Variants in YES1 observed in about 807,000 individuals in gnomAD.
YES1 encodes tyrosine-protein kinase Yes.
YES1 carries 39 observed loss-of-function variants against 70.4 expected under a neutral mutation model. The ratio of observed to expected loss-of-function variants is 0.55; its 90% CI spans 0.43 to 0.72. The LOEUF (loss-of-function observed/expected upper bound fraction) is 0.72, where lower values mean the gene tolerates loss of function less well. Ranked by LOEUF, YES1 falls within the 30% of genes least tolerant of loss-of-function variation. The pLI, the probability that YES1 is intolerant of heterozygous loss-of-function variation, is 0.00. For missense variants in YES1, 495 were observed against 644.8 expected, an observed-to-expected ratio of 0.77 and a Z score of 2.52; for synonymous variants, 198 against 218.6, an observed-to-expected ratio of 0.91 and a Z score of 0.83.
chr18:744,429 G>A (rs200522471), intron 6 of YES1, among the ~76,000 whole-genome samples: 2 of 147,504 alleles, frequency 1.4e-5, no homozygotes, highest in Non-Finnish European at 3.0e-5. Context: ...TCACTCTGTC[G>A]CCCAGGATGG....
chr18:733,606 A>G (rs900704199), intron 10 of YES1, among the ~76,000 whole-genome samples: 4 of 151,752 alleles, frequency 2.6e-5, no homozygotes, highest in Non-Finnish European at 4.4e-5. Flanking sequence ...ACATGGTGAA[A>G]CCCCGTCTCT....
intron 1 of YES1, among the ~76,000 whole-genome samples, chr18:759,889 A>G (rs1379650762): frequency 1.7e-5 from 2 of 116,676 alleles, no homozygotes; most frequent in South Asian, 3.1e-4. Flanking sequence ...GCCCCGGTGT[A>G]TGATGTTCCC....
intron 11 of YES1, 41 bp downstream of exon 11, chr18:732,793 C>CCACTTT (rs765365787): frequency 1.2e-6 from 2 of 1,613,324 alleles, no homozygotes; most frequent in Non-Finnish European, 8.5e-7. Flanking sequence ...CCTGATAAAG[C>CCACTTT]CACTCATGAG....
chr18:743,049 C>A lies in YES1; in HGVS notation c.929G>T (p.Gly310Val). 3 of 1,609,706 alleles carry A rather than the reference C, an allele frequency of 1.9e-6. No homozygotes were observed. The highest frequency in any genetic ancestry group is 1.1e-5 in the South Asian group (1 of 89,614). ...TKVAIKTLKP[G>V]TMMPEAFLQE... The stretch of plus-strand genomic sequence containing the variant: ...AAGGAAAGCTTCTGGCATCATTGTA[C>A]CTGGTTTTAGTGTTTTGATTGCTAC... The change falls in exon 8 of 12, where the codon GGT becomes GTT. Residue 310 changes from glycine to valine, a missense_variant. Around this residue, in one of 2 missense-constraint regions of YES1, gnomAD observed 385 missense variants for 540.9 expected, o/e 0.71. Transcript: ENST00000314574.
In YES1 at chr18:732,965, C is replaced by T. The variant is rs1289628269; in HGVS notation, c.1292G>A (p.Gly431Asp). ...TGTCCATTTGATTGGAAATTTTGCACCTAAAATAATGTTGACCATCTTGCT... is the reference window on the plus strand; with the variant it reads ...TGTCCATTTGATTGGAAATTTTGCATCTAAAATAATGTTGACCATCTTGCT... ...IEDNEYTARQ[G>D]AKFPIKWTAP... Residue 431 changes from glycine to aspartate, a missense_variant and splice_region_variant, in exon 11 of 12, where the codon GGT becomes GAT. Around this residue, in one of 2 missense-constraint regions of YES1, gnomAD observed 385 missense variants for 540.9 expected, o/e 0.71. Transcript: ENST00000314574. The T allele has an allele frequency of 2.5e-6, 4 of 1,614,036 alleles. No individual in the cohort carries two copies. Among genetic ancestry groups the T allele is most frequent in the Non-Finnish European group, 3.4e-6 (4 of 1,179,982 alleles).
intron 1 of YES1, among the ~76,000 whole-genome samples, chr18:792,389 C>G (rs1906297785): frequency 6.6e-6 from 1 of 152,014 alleles, no homozygotes; most frequent in South Asian, 2.1e-4. Flanking sequence ...ATAAAGAAGT[C>G]AGGTGCAGCT....
chr18:791,888 C>T (rs1412131747), intron 1 of YES1, among the ~76,000 whole-genome samples: 1 of 152,014 alleles, frequency 6.6e-6, no homozygotes, highest in Non-Finnish European at 1.5e-5. Context: ...AACCCCGCCT[C>T]TACTAAAAAT....
At chr18:725,294 G>A (rs148319400) in intron 11 of YES1, among the ~76,000 whole-genome samples, 3 of 151,512 alleles carry the variant, frequency 2.0e-5, no homozygotes, top group East Asian at 1.9e-4. Flanking sequence ...CTCACCTCAC[G>A]TCCTATCTCC....
chr18:744,894 G>T (rs187579244), intron 6 of YES1, among the ~76,000 whole-genome samples: 2 of 152,014 alleles, frequency 1.3e-5, no homozygotes, highest in Admixed American at 6.6e-5. Flanking sequence ...CTTGACTTAT[G>T]AATTCTGCTT....
chr18:787,384 C>T (rs1441590868), intron 1 of YES1, among the ~76,000 whole-genome samples: 5 of 151,464 alleles, frequency 3.3e-5, no homozygotes, highest in Admixed American at 3.3e-4. Flanking sequence ...AGGCATGAGC[C>T]ACCGCGCCCA....
intron 1 of YES1, among the ~76,000 whole-genome samples, chr18:785,415 AG>A (rs967120476): frequency 2.6e-5 from 4 of 152,260 alleles, no homozygotes; most frequent in East Asian, 1.9e-4. Context: ...ACTGAGTGTT[AG>A]GGGGGAGAAA....
chr18:754,568 T>G (rs1187656550), intron 2 of YES1, among the ~76,000 whole-genome samples: 2 of 151,924 alleles, frequency 1.3e-5, no homozygotes, highest in African/African-American at 4.8e-5. Flanking sequence ...ATTAGCCGGG[T>G]GCCGTGGTGT....
intron 1 of YES1, among the ~76,000 whole-genome samples, chr18:794,228 G>A (rs1474562448): frequency 6.6e-6 from 1 of 152,156 alleles, no homozygotes; most frequent in Non-Finnish European, 1.5e-5. Flanking sequence ...GTACTCTGAA[G>A]AACATAATAG....
intron 1 of YES1, among the ~76,000 whole-genome samples, chr18:806,780 T>C (rs1907120844): frequency 6.6e-6 from 1 of 152,264 alleles, no homozygotes. Flanking sequence ...GCCATAATGA[T>C]GTGTACTTCT....
intron 4 of YES1, among the ~76,000 whole-genome samples, chr18:747,596 T>C (rs575605269): frequency 1.3e-5 from 2 of 152,146 alleles, no homozygotes; most frequent in East Asian, 3.9e-4. Flanking sequence ...AGGCAGGGAA[T>C]GAGGATAATC....
At chr18:776,985 T>C (rs1905416584) in intron 1 of YES1, among the ~76,000 whole-genome samples, 1 of 152,184 alleles carries the variant, frequency 6.6e-6, no homozygotes, top group South Asian at 2.1e-4. Context: ...TTTGTGGTTA[T>C]GAAAAACAAA....
chr18:781,896 C>T (rs1005936467), intron 1 of YES1, among the ~76,000 whole-genome samples: 2 of 152,266 alleles, frequency 1.3e-5, no homozygotes, highest in Non-Finnish European at 2.9e-5. Flanking sequence ...GCTTCAAGGA[C>T]AGAATCTGAC....
chr18:754,708 A>G (rs1478308937), intron 2 of YES1, among the ~76,000 whole-genome samples: 10 of 91,600 alleles, frequency 1.1e-4, no homozygotes, highest in African/African-American at 4.0e-4. Flanking sequence ...AGAGACTCCA[A>G]CTCCAAAAAA....
At chr18:752,716 G>T (rs1395204047) in intron 2 of YES1, among the ~76,000 whole-genome samples, 1 of 152,124 alleles carries the variant, frequency 6.6e-6, no homozygotes, top group Non-Finnish European at 1.5e-5. Flanking sequence ...GCCGAGGTGG[G>T]CAAATCACTT....
Sources: allele counts gnomAD v4.1 joint callset (sites outside exome capture counted in the v4.1 genomes callset), GRCh38; gene constraint gnomAD v4.1.1; regional missense constraint gnomAD v4.1.1; transcripts MANE v1.5; gene names NCBI Gene and HGNC (gene_info 2026-07-23, HGNC 2026-07-21).